Variants in AP1M1 observed in about 807,000 individuals in gnomAD.
The protein encoded by AP1M1 is adaptor related protein complex 1 subunit mu 1, also known as AP-1 complex subunit mu-1.
A neutral mutation model predicts 57.1 loss-of-function variants in AP1M1; 18 were observed. That is an observed-to-expected ratio of 0.32 (90% CI 0.22 to 0.47). AP1M1 has a LOEUF of 0.47. Ranked by LOEUF, AP1M1 falls within the 20% of genes least tolerant of loss-of-function variation. AP1M1 has a pLI of 1.00. For synonymous variants in AP1M1, 241 were observed against 237.9 expected (o/e 1.01, Z -0.12); for missense variants, 362 against 593.5 (o/e 0.61, Z 4.05).
chr19:16,223,399 T>G (rs929354831), intron 5 of AP1M1, among the ~76,000 whole-genome samples: 7 of 152,238 alleles, frequency 4.6e-5, no homozygotes, highest in African/African-American at 1.7e-4. Context: ...TTCCTGAGCT[T>G]CTGGCTCTGT....
chr19:16,211,621 G>A (rs772375766), intron 5 of AP1M1, among the ~76,000 whole-genome samples: 5 of 151,936 alleles, frequency 3.3e-5, no homozygotes, highest in African/African-American at 7.3e-5. Flanking sequence ...GTGGTGATGC[G>A]CGCCTGTAAT....
rs1474660153 is a variant in AP1M1, at chr19:16,241,581, C to T, written c.*7146C>T. ...TCACTATGCTATTTGGGAGGAGATT[C>T]GGCTAAAGTCCACGAGGGCCACGTA... On this transcript the variant is annotated 3_prime_UTR_variant, in exon 12 of 12. Transcript: ENST00000291439. 4 of 152,074 alleles carry T rather than the reference C, an allele frequency of 2.6e-5. No individual in the cohort carries two copies. Among genetic ancestry groups the T allele is most frequent in the Admixed American group, 2.6e-4 (4 of 15,246 alleles). The allele number at this position is 152,074 out of a possible 1,614,324, so 9.4% of individuals were successfully genotyped here. A position where few individuals can be genotyped will look rare whatever the true frequency, so the allele number is the denominator to read the frequency against.
rs1163497368 is a variant in AP1M1, at chr19:16,208,030, G to A, written c.279G>A (p.Glu93=). 2.5e-6 allele frequency: 4 copies of A among 1,612,806 alleles called. No individual in the cohort carries two copies. The highest frequency in any genetic ancestry group is 3.4e-6 in the Non-Finnish European group (4 of 1,179,390). The part of the protein sequence containing the change: ...FLYKVVQVFS[E]YFKELEEESI... The stretch of plus-strand genomic sequence containing the variant: ...CCCAACCGCCACAGGTGTTTTCCGA[G>A]TACTTCAAGGAGCTGGAGGAGGAGA... Residue 93 remains glutamate, a synonymous_variant, in exon 4 of 12, where the codon GAG becomes GAA. Coordinates refer to ENST00000291439, the MANE Select transcript of AP1M1 (RefSeq NM_032493.4).
intron 5 of AP1M1, among the ~76,000 whole-genome samples, chr19:16,213,165 A>T (rs1330150934): frequency 3.3e-5 from 5 of 152,216 alleles, no homozygotes; most frequent in South Asian, 4.2e-4. Flanking sequence ...TGCCCCAGTG[A>T]TCTGTCTAAT....
In AP1M1 at chr19:16,226,425, G is replaced by A; in HGVS notation, c.551G>A (p.Ser184Asn). ...DVIESVNLLV[S>N]ANGNVLRSEI... ...CGCCCACACCGCCACCCCCAGGTCA[G>A]CGCCAACGGCAATGTCCTGCGCAGC... is the stretch of plus-strand genomic sequence containing the variant. Residue 184 changes from serine to asparagine, a missense_variant, in exon 6 of 12, where the codon AGC becomes AAC. Around this residue, in one of 2 missense-constraint regions of AP1M1, gnomAD observed 337 missense variants for 511.1 expected, o/e 0.66. Coordinates refer to ENST00000291439, the MANE Select transcript of AP1M1 (RefSeq NM_032493.4). 6.5e-7 allele frequency: 1 copy of A among 1,538,488 alleles called. No individual in the cohort carries two copies. Among genetic ancestry groups the A allele is most frequent in the Non-Finnish European group, 8.8e-7 (1 of 1,140,372 alleles).
Position 16,227,542 on chromosome 19 carries a change from C to T in AP1M1, c.674-6C>T. ...AGATCTGTCCTACCCTCACCCCTGA[C>T]CCCAGGCGGCAAAAGCAAATCCGTG... On this transcript the variant is annotated splice_region_variant and splice_polypyrimidine_tract_variant and intron_variant, in intron 6 of 11. Coordinates refer to ENST00000291439, the MANE Select transcript of AP1M1 (RefSeq NM_032493.4). The surrounding 1 kb of genome is among the most constrained non-coding windows in gnomAD (Gnocchi z 6.2). 6.2e-7 allele frequency: 1 copy of T among 1,613,546 alleles called. No homozygotes were observed. Among genetic ancestry groups the T allele is most frequent in the Non-Finnish European group, 8.5e-7 (1 of 1,179,574 alleles).
At chr19:16,213,358 T>C (rs1434888531) in intron 5 of AP1M1, among the ~76,000 whole-genome samples, 1 of 152,244 alleles carries the variant, frequency 6.6e-6, no homozygotes, top group Non-Finnish European at 1.5e-5. Flanking sequence ...TTGTCTTTTT[T>C]TGATCTTTGT....
intron 1 of AP1M1, among the ~76,000 whole-genome samples, chr19:16,201,881 C>G (rs1369996612): frequency 4.6e-5 from 7 of 152,178 alleles, no homozygotes; most frequent in Admixed American, 4.6e-4. Flanking sequence ...CTGTGAGGAG[C>G]CAGACCACGC....
At position 16,206,230 on chromosome 19, in the gene AP1M1, G is replaced by A; in HGVS notation, c.200-111G>A. 2 of 1,094,996 alleles carry A rather than the reference G, an allele frequency of 1.8e-6. No individual in the cohort carries two copies. The highest frequency in any genetic ancestry group is 1.9e-5 in the Admixed American group (1 of 52,840). The allele number at this position is 1,094,996 out of a possible 1,614,324, so 67.8% of individuals were successfully genotyped here. A position where few individuals can be genotyped will look rare whatever the true frequency, so the allele number is the denominator to read the frequency against. On this transcript the variant is annotated intron_variant, in intron 2 of 11. Coordinates refer to ENST00000291439, the MANE Select transcript of AP1M1 (RefSeq NM_032493.4). The surrounding 1 kb of genome is among the most constrained non-coding windows in gnomAD (Gnocchi z 4.3). ...GGCCAAGTAAACGGCTGGGAGTGGG[G>A]ATAGGGAAGGCTCTGAGGGTTGTGA...
Position 16,243,123 on chromosome 19 carries a change from A to C in AP1M1, c.*8688A>C, listed in dbSNP as rs966663823. Reference sequence around the variant, plus strand: ...GAAAAAATGTATTAGATCCCCGAGAAGTTTCCACACAACTCCAAGAATTAT... The same window carrying C: ...GAAAAAATGTATTAGATCCCCGAGACGTTTCCACACAACTCCAAGAATTAT... On this transcript the variant is annotated 3_prime_UTR_variant, in exon 12 of 12. Transcript: ENST00000291439. 3 of 152,190 alleles carry C rather than the reference A, an allele frequency of 2.0e-5. No individual in the cohort carries two copies. 9.4% of individuals were successfully genotyped at this position (152,190 alleles called of 1,614,324 possible). A position where few individuals can be genotyped will look rare whatever the true frequency, so the allele number is the denominator to read the frequency against.
intron 5 of AP1M1, among the ~76,000 whole-genome samples, chr19:16,216,697 G>T (rs183782320): frequency 4.1e-4 from 62 of 152,272 alleles, no homozygotes; most frequent in Admixed American, 3.3e-3. Context: ...AGATTTTAGG[G>T]GACCAAGGCT....
rs1200411298 is a variant in AP1M1, at chr19:16,227,067, G to A, written c.674-481G>A. On this transcript the variant is annotated intron_variant, in intron 6 of 11. Transcript: ENST00000291439. This position sits in a 1 kb window ranked among gnomAD's most constrained non-coding sequence, Gnocchi z 6.2. ...GGGTGCAGTGGCTGGGCATGCCCCC[G>A]TTCCTAGCCCGGTGAGGGCTTCTCG... 1.3e-5 allele frequency among the ~76,000 whole-genome samples: 2 copies of A among 152,156 alleles called. No individual in the cohort carries two copies. The highest frequency in any genetic ancestry group is 2.4e-5 in the African/African-American group (1 of 41,448).
rs1056988220 is a variant in AP1M1 at position 16,207,097 on chromosome 19, G to A, written c.267+689G>A. On this transcript the variant is annotated intron_variant, in intron 3 of 11. Transcript: ENST00000291439. This position sits in a 1 kb window ranked among gnomAD's most constrained non-coding sequence, Gnocchi z 4.2. Reference sequence around the variant, plus strand: ...GCTGCTGAGCAGAAGGAGGACTTGAGGCCAGTGAGGAGGCTGCTGCTGGCT... The same window carrying A: ...GCTGCTGAGCAGAAGGAGGACTTGAAGCCAGTGAGGAGGCTGCTGCTGGCT... 2.0e-5 allele frequency among the ~76,000 whole-genome samples: 3 copies of A among 152,198 alleles called. No homozygotes were observed. The highest frequency in any genetic ancestry group is 2.0e-4 in the Admixed American group (3 of 15,282).
At chr19:16,198,469 G>A (rs1045972039) in intron 1 of AP1M1, among the ~76,000 whole-genome samples, 1 of 152,112 alleles carries the variant, frequency 6.6e-6, no homozygotes, top group African/African-American at 2.4e-5. Flanking sequence ...GCGGGGACTG[G>A]GTGCTCTCGA....
chr19:16,222,208 ATTATT>A (rs1568353114), intron 5 of AP1M1, among the ~76,000 whole-genome samples: 74 of 68,836 alleles, frequency 1.1e-3, no homozygotes, highest in Admixed American at 2.1e-3. Context: ...TATTATTATT[ATTATT>A]TTTTTTTTTT....
At chr19:16,226,653 A>G in intron 6 of AP1M1, 106 bp downstream of exon 6, 2 of 1,403,826 alleles carry the variant, frequency 1.4e-6, no homozygotes, top group Non-Finnish European at 1.9e-6. Context: ...GCTGGTTTCA[A>G]GCACTTGGTT....
rs2091577481 is a variant in AP1M1 at position 16,227,743 on chromosome 19, C to T, written c.816+53C>T. 1.3e-6 allele frequency: 2 copies of T among 1,590,658 alleles called. No homozygotes were observed. The highest frequency in any genetic ancestry group is 1.1e-5 in the South Asian group (1 of 90,056). ...GTCGGCAGACTCCTCCTCCCCTTCA[C>T]CTCCAGGAGGTGAAGCCCAGGCAGG... is the stretch of plus-strand genomic sequence containing the variant. On this transcript the variant is annotated intron_variant, in intron 7 of 11. Transcript: ENST00000291439. This position sits in a 1 kb window ranked among gnomAD's most constrained non-coding sequence, Gnocchi z 6.2.
In AP1M1 at chr19:16,228,862, G is replaced by A. The variant is rs140598704; in HGVS notation, c.981G>A (p.Thr327=). 93 of 1,614,178 alleles carry A rather than the reference G, an allele frequency of 5.8e-5. 1 individual carries two copies. The African/African-American group carries it at 9.9e-4, about 17-fold the overall frequency. The change falls in exon 9 of 12, where the codon ACG becomes ACA. Residue 327 remains threonine (T), a synonymous_variant. Coordinates refer to ENST00000291439, the MANE Select transcript of AP1M1 (RefSeq NM_032493.4). This position sits in a 1 kb window ranked among gnomAD's most constrained non-coding sequence, Gnocchi z 5.0. The part of the protein sequence containing the change: ...PNDADSPKFK[T]TVGSVKWVPE... ...ATGCCGACTCACCCAAGTTCAAGAC[G>A]ACGGTGGGGAGCGTTAAGTGGGTCC...
chr19:16,235,984 G>A lies in AP1M1; in HGVS notation c.*1549G>A, dbSNP rs2091623308. 1 of 152,252 alleles carries A rather than the reference G, an allele frequency of 6.6e-6. No individual in the cohort carries two copies. The allele number at this position is 152,252 out of a possible 1,614,324, so 9.4% of individuals were successfully genotyped here. A position where few individuals can be genotyped will look rare whatever the true frequency, so the allele number is the denominator to read the frequency against. Reference sequence around the variant, plus strand: ...GGCATCCGACCTAACAGCCTGAGTAGAACCTTCCGCCCACGTAGGTCTTCC... The same window carrying A: ...GGCATCCGACCTAACAGCCTGAGTAAAACCTTCCGCCCACGTAGGTCTTCC... On this transcript the variant is annotated 3_prime_UTR_variant, in exon 12 of 12. Transcript: ENST00000291439.
Sources: gnomAD v4.1 joint callset for allele counts (sites outside exome capture counted in the v4.1 genomes callset) on GRCh38, gnomAD v4.1.1 for gene constraint, gnomAD v4.1.1 regional missense constraint, Gnocchi (gnomAD v3.1) non-coding constraint, MANE v1.5 for transcripts, NCBI Gene and HGNC (gene_info 2026-07-23, HGNC 2026-07-21) for gene names.